Variants in EXOC4 observed in about 807,000 individuals in gnomAD.
EXOC4 encodes SEC8-like 1.
Under a neutral mutation model 107.2 loss-of-function variants are expected in EXOC4, and 71 were observed. That is an observed-to-expected ratio of 0.66 (90% CI 0.55 to 0.81). The LOEUF (loss-of-function observed/expected upper bound fraction) is 0.81, where lower values mean the gene tolerates loss of function less well. EXOC4 is among the 30% of genes least tolerant of loss of function. The pLI is 0.00. For synonymous variants in EXOC4, 456 were observed against 441.2 expected, an observed-to-expected ratio of 1.03 and a Z score of -0.42; for missense variants, 1,108 against 1,189.6, an observed-to-expected ratio of 0.93 and a Z score of 1.01.
At chr7:133,574,669 C>A (rs1467894821) in intron 9 of EXOC4, among the ~76,000 whole-genome samples, 1 of 152,116 alleles carries the variant, frequency 6.6e-6, no homozygotes, top group East Asian at 1.9e-4. Context: ...GTCAGCATGA[C>A]CATTGCTTCT....
chr7:133,280,141 A>G lies in EXOC4; in HGVS notation c.276+4970A>G, dbSNP rs143727682. Among the ~76,000 whole-genome samples the G allele has an allele frequency of 3.1e-3, 467 of 152,294 alleles. 6 individuals are homozygous for G. The highest frequency in any genetic ancestry group is 0.01 in the Middle Eastern group (3 of 294). On this transcript the variant is annotated intron_variant, in intron 2 of 17. Coordinates refer to ENST00000253861, the MANE Select transcript of EXOC4 (RefSeq NM_021807.4). ...CCTAGCTAATTTAAAAAAATTTTTT[A>G]TAGAGACGAGGTCTCAACAGAAGGC... is the stretch of plus-strand genomic sequence containing the variant.
intron 5 of EXOC4, among the ~76,000 whole-genome samples, chr7:133,328,629 C>T (rs1295605080): frequency 1.3e-5 from 2 of 151,574 alleles, no homozygotes; most frequent in African/African-American, 2.4e-5. Context: ...GTGACAGAAT[C>T]TCTCAGCATT....
chr7:133,804,974 A>G (rs1231563059), intron 10 of EXOC4, among the ~76,000 whole-genome samples: 2 of 152,186 alleles, frequency 1.3e-5, no homozygotes, highest in Non-Finnish European at 2.9e-5. Context: ...ACCAGCCTAA[A>G]CAAGCTGTAA....
chr7:133,704,399 T>TC (rs1427961669), intron 10 of EXOC4, among the ~76,000 whole-genome samples: 1 of 152,250 alleles, frequency 6.6e-6, no homozygotes, highest in Non-Finnish European at 1.5e-5. Context: ...TGTGACATGT[T>TC]CCATACTTAC....
intron 10 of EXOC4, among the ~76,000 whole-genome samples, chr7:133,717,500 A>G (rs1013692782): frequency 1.3e-5 from 2 of 152,182 alleles, no homozygotes; most frequent in Non-Finnish European, 2.9e-5. Flanking sequence ...ATGGTTCTGC[A>G]TAAATTTTTT....
In EXOC4 at chr7:133,888,010, T is replaced by C. The variant is rs534244193; in HGVS notation, c.1735-7589T>C. Among the ~76,000 whole-genome samples the C allele has an allele frequency of 7.9e-5, 12 of 152,290 alleles. No homozygotes were observed. The South Asian group carries it at 1.9e-3, about 24-fold the overall frequency. ...GGAAGTTGAACTTCTGGGGATTCTATAGAGACTGTAATTTGGCTTCCTATG... is the reference window on the plus strand; with the variant it reads ...GGAAGTTGAACTTCTGGGGATTCTACAGAGACTGTAATTTGGCTTCCTATG... On this transcript the variant is annotated intron_variant, in intron 11 of 17. Transcript: ENST00000253861.
At chr7:133,750,111 G>A (rs865988334) in intron 10 of EXOC4, among the ~76,000 whole-genome samples, 4 of 151,956 alleles carry the variant, frequency 2.6e-5, no homozygotes, top group Non-Finnish European at 5.9e-5. Context: ...TGGGTCATAA[G>A]CAGAGAAGGG....
intron 10 of EXOC4, among the ~76,000 whole-genome samples, chr7:133,800,353 G>A (rs1231009749): frequency 6.6e-6 from 1 of 152,030 alleles, no homozygotes; most frequent in Admixed American, 6.6e-5. Flanking sequence ...GATTCCTTCT[G>A]TGTTTTTATG....
At chr7:133,449,911 T>G (rs544645224) in intron 7 of EXOC4, among the ~76,000 whole-genome samples, 1 of 152,268 alleles carries the variant, frequency 6.6e-6, no homozygotes, top group African/African-American at 2.4e-5. Flanking sequence ...CATCTCTGAT[T>G]TTATTTTATG....
chr7:133,756,303 G>C (rs1302197618), intron 10 of EXOC4, among the ~76,000 whole-genome samples: 1 of 152,154 alleles, frequency 6.6e-6, no homozygotes, highest in Non-Finnish European at 1.5e-5. Flanking sequence ...GGGGTATTTA[G>C]CTGAGGAAGC....
At position 133,455,432 on chromosome 7, in the gene EXOC4, T is replaced by G. The variant is rs536964877; in HGVS notation, c.1183-19896T>G. On this transcript the variant is annotated intron_variant, in intron 7 of 17. Coordinates refer to ENST00000253861, the MANE Select transcript of EXOC4 (RefSeq NM_021807.4). ...GGGACTGCTGTATTATTTAGTAGTA[T>G]TATTTTCTTATCAAATTTTATCTGA... is the stretch of plus-strand genomic sequence containing the variant. 1.8e-4 allele frequency among the ~76,000 whole-genome samples: 28 copies of G among 152,346 alleles called. No homozygotes were observed. In the South Asian group the frequency reaches 2.1e-3, roughly 11 times the overall value.
At chr7:133,675,160 G>T (rs1335743485) in intron 10 of EXOC4, among the ~76,000 whole-genome samples, 1 of 152,084 alleles carries the variant, frequency 6.6e-6, no homozygotes, top group Non-Finnish European at 1.5e-5. Flanking sequence ...TTGTGTTTTT[G>T]GTGGGGGATG....
At chr7:133,504,793 A>T (rs1799637745) in intron 9 of EXOC4, among the ~76,000 whole-genome samples, 1 of 151,834 alleles carries the variant, frequency 6.6e-6, no homozygotes, top group Non-Finnish European at 1.5e-5. Flanking sequence ...AGTCTCTGGG[A>T]CTCTTTTCCA....
intron 10 of EXOC4, among the ~76,000 whole-genome samples, chr7:133,801,681 G>A (rs115076194): frequency 1.3e-5 from 2 of 152,106 alleles, no homozygotes; most frequent in Admixed American, 6.5e-5. Context: ...ATTATTCTTC[G>A]ACTTCTGTCA....
chr7:133,716,639 C>T (rs572575728), intron 10 of EXOC4, among the ~76,000 whole-genome samples: 1 of 152,238 alleles, frequency 6.6e-6, no homozygotes, highest in South Asian at 2.1e-4. Flanking sequence ...ATTTGTTTTA[C>T]ACTACTTAGA....
At chr7:134,093,808 C>T in the EXOC4 span, among the ~76,000 whole-genome samples, 1 of 152,166 alleles carries the variant, frequency 6.6e-6, no homozygotes, top group Non-Finnish European at 1.5e-5. Flanking sequence ...AATTAAACAA[C>T]TTGCTCCTGA....
rs921211550 is a variant in EXOC4, at chr7:133,461,244, A to C, written c.1183-14084A>C. On this transcript the variant is annotated intron_variant, in intron 7 of 17. Transcript: ENST00000253861. ...TGTGGACTCCTTAAAGAACAGAACC[A>C]CTGTATTTGTCTCTGCATTCTGGTG... Among the ~76,000 whole-genome samples the C allele has an allele frequency of 2.0e-5, 3 of 152,188 alleles. No individual in the cohort carries two copies. The East Asian group carries it at 5.8e-4, about 29-fold the overall frequency.
chr7:133,961,993 T>C (rs1800956934), intron 14 of EXOC4, among the ~76,000 whole-genome samples: 1 of 152,208 alleles, frequency 6.6e-6, no homozygotes, highest in African/African-American at 2.4e-5. Context: ...AGGCCAAGCT[T>C]GGTGGAAACA....
chr7:134,040,520 G>A (rs1431869893), intron 17 of EXOC4, among the ~76,000 whole-genome samples: 1 of 151,980 alleles, frequency 6.6e-6, no homozygotes, highest in African/African-American at 2.4e-5. Context: ...TCAGTCTTCC[G>A]AAGTCATTGC....
Sources: gnomAD v4.1 joint callset for allele counts (sites outside exome capture counted in the v4.1 genomes callset) on GRCh38, gnomAD v4.1.1 for gene constraint, MANE v1.5 for transcripts, NCBI Gene and HGNC (gene_info 2026-07-23, HGNC 2026-07-21) for gene names.